Variants in ARHGAP15 observed in about 807,000 individuals in gnomAD.
ARHGAP15 encodes Rho GTPase activating protein 15, also known as rho GTPase-activating protein 15.
Under a neutral mutation model 63.7 loss-of-function variants are expected in ARHGAP15, and 51 were observed. The observed-to-expected ratio is 0.80, with a 90% CI of 0.64 to 1.01. The LOEUF is 1.01. Among genes scored for constraint, ARHGAP15 ranks in the 50% least tolerant of loss-of-function variants. The probability of loss-of-function intolerance (pLI) is 0.00; values close to 1 mark genes in which losing one functional copy is unlikely to be tolerated. For synonymous variants in ARHGAP15, 191 were observed against 193.8 expected (o/e 0.99, Z 0.12); for missense variants, 560 against 564.6 (o/e 0.99, Z 0.08).
At chr2:143,559,952 G>T (rs1290186479) in intron 11 of ARHGAP15, among the ~76,000 whole-genome samples, 1 of 152,160 alleles carries the variant, frequency 6.6e-6, no homozygotes, top group Non-Finnish European at 1.5e-5. Flanking sequence ...TTTTCTAGAA[G>T]GCTCTAAATA....
chr2:143,194,579 G>A (rs534333727), intron 2 of ARHGAP15, among the ~76,000 whole-genome samples: 4 of 152,112 alleles, frequency 2.6e-5, no homozygotes, highest in Non-Finnish European at 5.9e-5. Flanking sequence ...GAAAAACCAA[G>A]AAAATTATAT....
chr2:143,202,151 G>A lies in ARHGAP15; in HGVS notation c.183G>A (p.Arg61=), dbSNP rs1426778324. 1.2e-6 allele frequency: 2 copies of A among 1,611,958 alleles called. No individual in the cohort carries two copies. The highest frequency in any genetic ancestry group is 2.2e-5 in the East Asian group (1 of 44,846). ...ATTTGCAGATATCCAGACACAGAAG[G>A]AATCATTCACAGCATATCTTGAAAG... ...KVTEPISRHR[R]NHSQHILKDV... is the part of the protein sequence containing the mutation. The change falls in exon 3 of 14, where the codon AGG becomes AGA. Residue 61 remains arginine, a synonymous_variant. Transcript: ENST00000295095.
At chr2:143,725,921 C>T (rs1685252399) in intron 13 of ARHGAP15, among the ~76,000 whole-genome samples, 1 of 152,184 alleles carries the variant, frequency 6.6e-6, no homozygotes, top group African/African-American at 2.4e-5. Flanking sequence ...ACCTGAATAT[C>T]TATACAAACA....
rs116003933 is a variant in ARHGAP15, at chr2:143,305,051, C to T, written c.474+54451C>T. 3.7e-3 allele frequency among the ~76,000 whole-genome samples: 570 copies of T among 152,074 alleles called. 6 individuals carry two copies. Among genetic ancestry groups the T allele is most frequent in the African/African-American group, 0.013 (523 of 41,480 alleles). ...CATATGTCTATTGTGGCACTGCTCA[C>T]GATAGCAAAGACTTGGAACCCAACC... On this transcript the variant is annotated intron_variant, in intron 6 of 13. Transcript: ENST00000295095.
intron 11 of ARHGAP15, among the ~76,000 whole-genome samples, chr2:143,616,402 G>A (rs1173737331): frequency 6.6e-5 from 10 of 152,090 alleles, no homozygotes; most frequent in East Asian, 1.9e-4. Context: ...GTAGAAGACC[G>A]TTCCACCTCC....
chr2:143,356,907 CT>C (rs1685835252), intron 6 of ARHGAP15, among the ~76,000 whole-genome samples: 1 of 152,182 alleles, frequency 6.6e-6, no homozygotes, highest in African/African-American at 2.4e-5. Flanking sequence ...ACTCCTACCC[CT>C]GACACGCCAT....
chr2:143,657,597 C>G (rs1006419226), intron 12 of ARHGAP15, among the ~76,000 whole-genome samples: 3 of 152,140 alleles, frequency 2.0e-5, no homozygotes, highest in Non-Finnish European at 4.4e-5. Context: ...ATGCAAAAAT[C>G]AAGTCAACAT....
At chr2:143,767,850 A>C in intron 13 of ARHGAP15, 139 bp from the exon 14 acceptor site, 1 of 818,920 alleles carries the variant, frequency 1.2e-6, no homozygotes, top group Non-Finnish European at 1.9e-6. Context: ...CATACAGTAA[A>C]GTATGTAGGG....
chr2:143,368,360 A>G (rs1455042036), intron 6 of ARHGAP15, among the ~76,000 whole-genome samples: 1 of 152,098 alleles, frequency 6.6e-6, no homozygotes, highest in Non-Finnish European at 1.5e-5. Flanking sequence ...GATGAGGAAC[A>G]GTGTTCAGAG....
intron 9 of ARHGAP15, among the ~76,000 whole-genome samples, chr2:143,495,640 AT>A (rs942617294): frequency 6.6e-6 from 1 of 152,234 alleles, no homozygotes; most frequent in African/African-American, 2.4e-5. Flanking sequence ...AAGATTTGTC[AT>A]TCAAACTGCA....
intron 6 of ARHGAP15, among the ~76,000 whole-genome samples, chr2:143,290,119 T>C (rs1273898950): frequency 6.6e-6 from 1 of 152,094 alleles, no homozygotes; most frequent in Admixed American, 6.6e-5. Context: ...TCAAAGCAGA[T>C]AGCAAACTAT....
At chr2:143,447,089 C>A (rs1005550759) in intron 8 of ARHGAP15, among the ~76,000 whole-genome samples, 1 of 151,992 alleles carries the variant, frequency 6.6e-6, no homozygotes, top group Non-Finnish European at 1.5e-5. Flanking sequence ...AATAAACATA[C>A]GTGTGCATGT....
chr2:143,215,560 G>A (rs78337100), intron 3 of ARHGAP15, among the ~76,000 whole-genome samples: 5,187 of 152,218 alleles, frequency 0.034, 213 homozygotes, highest in East Asian at 0.19. Context: ...AGAAGGGTGT[G>A]GGCAATTCAC....
chr2:143,655,605 C>T (rs77345405), intron 12 of ARHGAP15, among the ~76,000 whole-genome samples: 1 of 152,134 alleles, frequency 6.6e-6, no homozygotes, highest in Non-Finnish European at 1.5e-5. Flanking sequence ...ATTTTAGGAG[C>T]AAGGATTTTA....
rs139249062 is a variant in ARHGAP15, at chr2:143,216,620, G to A, written c.296+175G>A. 1.8e-4 allele frequency among the ~76,000 whole-genome samples: 27 copies of A among 152,260 alleles called. No individual in the cohort carries two copies. The East Asian group carries it at 4.4e-3, about 25-fold the overall frequency. ...ATGGAACTACAGTTTTTAAAGAAAG[G>A]CACTACATTCTATATTGTCGAACAG... On this transcript the variant is annotated intron_variant, in intron 4 of 13. Coordinates refer to ENST00000295095, the MANE Select transcript of ARHGAP15 (RefSeq NM_018460.4).
At chr2:143,337,683 T>C (rs1207591108) in intron 6 of ARHGAP15, among the ~76,000 whole-genome samples, 1 of 152,186 alleles carries the variant, frequency 6.6e-6, no homozygotes, top group African/African-American at 2.4e-5. Flanking sequence ...CAGTATTTAT[T>C]TTCAGAATAA....
At chr2:143,484,982 G>C (rs1692259086) in intron 8 of ARHGAP15, among the ~76,000 whole-genome samples, 2 of 152,224 alleles carry the variant, frequency 1.3e-5, no homozygotes, top group African/African-American at 4.8e-5. Context: ...ACTGCCACAA[G>C]GACTCAGGCT....
At chr2:143,408,234 T>C (rs1688296331) in intron 6 of ARHGAP15, among the ~76,000 whole-genome samples, 1 of 149,714 alleles carries the variant, frequency 6.7e-6, no homozygotes, top group Non-Finnish European at 1.5e-5. Context: ...TCCTCCCTTC[T>C]TCCTCCTCCT....
chr2:143,318,131 T>G (rs139068022), intron 6 of ARHGAP15, among the ~76,000 whole-genome samples: 1 of 152,004 alleles, frequency 6.6e-6, no homozygotes, highest in Non-Finnish European at 1.5e-5. Context: ...CTCGAGTAGC[T>G]GGGACTACAG....
Sources: gnomAD v4.1 joint callset for allele counts (sites outside exome capture counted in the v4.1 genomes callset) on GRCh38, gnomAD v4.1.1 for gene constraint, MANE v1.5 for transcripts, NCBI Gene and HGNC (gene_info 2026-07-23, HGNC 2026-07-21) for gene names.